SLC24A2: variants seen among roughly 807,000 people sequenced by gnomAD.
SLC24A2 encodes the protein sodium/potassium/calcium exchanger 2.
In SLC24A2, 36 loss-of-function variants were observed where a neutral mutation model predicts 62.0. The observed-to-expected ratio is 0.58, with a 90% confidence interval of 0.44 to 0.77. The LOEUF (loss-of-function observed/expected upper bound fraction) is 0.77, where lower values mean the gene tolerates loss of function less well. Among genes scored for constraint, SLC24A2 ranks in the 30% least tolerant of loss-of-function variants. SLC24A2 has a pLI of 0.00. For missense variants in SLC24A2, 846 were observed against 817.9 expected (o/e 1.03, Z -0.42); for synonymous variants, 358 against 294.0 (o/e 1.22, Z -2.23).
At chr9:19,858,164 C>G in the SLC24A2 span, among the ~76,000 whole-genome samples, 1 of 152,074 alleles carries the variant, frequency 6.6e-6, no homozygotes, top group Non-Finnish European at 1.5e-5. Context: ...GACACGTAGA[C>G]CAATGGAACA....
chr9:19,961,337 G>T, the SLC24A2 span, among the ~76,000 whole-genome samples: 17 of 152,222 alleles, frequency 1.1e-4, no homozygotes, highest in Non-Finnish European at 1.9e-4. Context: ...GTAAAGAAAG[G>T]TTAGATCCAA....
the SLC24A2 span, among the ~76,000 whole-genome samples, chr9:20,052,923 T>C: frequency 9.2e-5 from 14 of 152,332 alleles, no homozygotes; most frequent in South Asian, 1.2e-3. Context: ...AATCGCCCTA[T>C]GTTAAACTGA....
intron 7 of SLC24A2, among the ~76,000 whole-genome samples, chr9:19,553,918 G>T (rs902561245): frequency 6.6e-6 from 1 of 152,134 alleles, no homozygotes; most frequent in Non-Finnish European, 1.5e-5. Flanking sequence ...GCCTATTATG[G>T]ACTGAATTGT....
chr9:19,862,230 A>C, the SLC24A2 span, among the ~76,000 whole-genome samples: 1 of 152,170 alleles, frequency 6.6e-6, no homozygotes, highest in South Asian at 2.1e-4. Flanking sequence ...ATGGGGTTCC[A>C]ATATGTCTGG....
At chr9:20,216,781 A>C in the SLC24A2 span, among the ~76,000 whole-genome samples, 1 of 152,202 alleles carries the variant, frequency 6.6e-6, no homozygotes, top group Admixed American at 6.5e-5. Flanking sequence ...TTTGTTGTAA[A>C]AAATATTTCT....
intron 2 of SLC24A2, among the ~76,000 whole-genome samples, chr9:19,717,950 A>C (rs1391558685): frequency 6.6e-6 from 1 of 151,894 alleles, no homozygotes; most frequent in African/African-American, 2.4e-5. Context: ...CTAAAGACAA[A>C]TATAATGGCT....
chr9:19,823,379 T>C, the SLC24A2 span, among the ~76,000 whole-genome samples: 1 of 152,104 alleles, frequency 6.6e-6, no homozygotes, highest in East Asian at 1.9e-4. Context: ...ATAGGCGTGA[T>C]ATTCCTTTAC....
the SLC24A2 span, among the ~76,000 whole-genome samples, chr9:20,067,853 A>G: frequency 5.3e-5 from 8 of 152,224 alleles, no homozygotes; most frequent in Admixed American, 3.3e-4. Context: ...ATATATCAGC[A>G]TATGTGTCTG....
rs1045798414 is a variant in SLC24A2, at chr9:19,788,905, C to T, written c.-174G>A. ...CTTACCAGGATAAGATGGGAGGACGCGCACACGGCGGGGCCCCCGAGCGCG... is the reference window on the plus strand; with the variant it reads ...CTTACCAGGATAAGATGGGAGGACGTGCACACGGCGGGGCCCCCGAGCGCG... On this transcript the variant is annotated 5_prime_UTR_variant, in exon 1 of 11. Coordinates refer to ENST00000341998, the MANE Select transcript of SLC24A2 (RefSeq NM_020344.4). 3 of 985,374 alleles carry T rather than the reference C, an allele frequency of 3.0e-6. No homozygotes were observed. The highest frequency in any genetic ancestry group is 3.6e-6 in the Non-Finnish European group (3 of 829,890). 61.0% of individuals were successfully genotyped at this position (985,374 alleles called of 1,614,324 possible).
chr9:19,559,169 TA>T (rs1835270259), intron 7 of SLC24A2, among the ~76,000 whole-genome samples: 1 of 152,126 alleles, frequency 6.6e-6, no homozygotes, highest in South Asian at 2.1e-4. Flanking sequence ...TTTAGAAAAA[TA>T]ATTTCTTCAA....
the SLC24A2 span, among the ~76,000 whole-genome samples, chr9:20,192,346 G>T: frequency 3.3e-5 from 5 of 151,974 alleles, no homozygotes; most frequent in Admixed American, 6.6e-5. Flanking sequence ...TGTAGACAAG[G>T]GGCAGCCAGT....
At chr9:20,139,579 C>G in the SLC24A2 span, among the ~76,000 whole-genome samples, 1 of 152,218 alleles carries the variant, frequency 6.6e-6, no homozygotes, top group Non-Finnish European at 1.5e-5. Context: ...TGCCTGTCAT[C>G]TATTCATTTA....
the SLC24A2 span, among the ~76,000 whole-genome samples, chr9:20,119,440 A>C: frequency 2.0e-5 from 3 of 152,202 alleles, no homozygotes; most frequent in African/African-American, 4.8e-5. Context: ...CCAAAAATGC[A>C]AAGTTGGTAT....
chr9:20,018,764 A>C, the SLC24A2 span, among the ~76,000 whole-genome samples: 1 of 152,006 alleles, frequency 6.6e-6, no homozygotes, highest in Non-Finnish European at 1.5e-5. Context: ...TATTTTATAC[A>C]TGAAAAAAAA....
At chr9:19,820,058 C>CATATATATATAT in the SLC24A2 span, among the ~76,000 whole-genome samples, 1 of 34,642 alleles carries the variant, frequency 2.9e-5, no homozygotes, top group Non-Finnish European at 8.5e-5. Context: ...TATATATACA[C>CATATATATATAT]ATATATATAT....
the SLC24A2 span, among the ~76,000 whole-genome samples, chr9:20,046,887 TTCTA>T: frequency 4.6e-5 from 7 of 152,144 alleles, no homozygotes; most frequent in Non-Finnish European, 1.0e-4. Context: ...TACTGCTTCT[TTCTA>T]TCTACTTACT....
chr9:20,046,502 C>T, the SLC24A2 span, among the ~76,000 whole-genome samples: 1 of 152,280 alleles, frequency 6.6e-6, no homozygotes, highest in East Asian at 1.9e-4. Context: ...GTCTTGAAGC[C>T]ATATGTCCTC....
At chr9:19,913,862 T>C in the SLC24A2 span, among the ~76,000 whole-genome samples, 1,206 of 152,132 alleles carry the variant, frequency 7.9e-3, 10 homozygotes, top group African/African-American at 0.026. Flanking sequence ...CATCAATCCA[T>C]ACTTAATTCT....
the SLC24A2 span, among the ~76,000 whole-genome samples, chr9:20,225,293 T>C: frequency 2.6e-5 from 4 of 151,628 alleles, no homozygotes; most frequent in South Asian, 2.1e-4. Context: ...ACAATGCACA[T>C]TGTTGTGGCA....
Sources: gnomAD v4.1 joint callset for allele counts (sites outside exome capture counted in the v4.1 genomes callset) on GRCh38, gnomAD v4.1.1 for gene constraint, MANE v1.5 for transcripts, NCBI Gene and HGNC (gene_info 2026-07-23, HGNC 2026-07-21) for gene names.